PROSER2: variants seen among roughly 807,000 people sequenced by gnomAD.
The protein encoded by PROSER2 is proline and serine-rich protein 2.
A neutral mutation model predicts 14.6 loss-of-function variants in PROSER2; 18 were observed. That is an observed-to-expected ratio of 1.23 (90% CI 0.85 to 1.83). The LOEUF is 1.83. PROSER2 is among the 40% of genes most tolerant of loss of function. PROSER2 has a pLI of 0.00. For missense variants in PROSER2, 823 were observed against 629.8 expected, an observed-to-expected ratio of 1.31 and a Z score of -3.28; for synonymous variants, 367 against 286.4, an observed-to-expected ratio of 1.28 and a Z score of -2.84.
At chr10:11,833,162 T>C (rs781172408) in intron 1 of PROSER2, among the ~76,000 whole-genome samples, 15 of 151,348 alleles carry the variant, frequency 9.9e-5, no homozygotes, top group Non-Finnish European at 1.3e-4. Context: ...AGTTTTTAAA[T>C]ATGAATTTTG....
At chr10:11,860,447 C>G (rs1379924509) in intron 2 of PROSER2, among the ~76,000 whole-genome samples, 4 of 151,530 alleles carry the variant, frequency 2.6e-5, no homozygotes. Context: ...AAACCCCCGT[C>G]TCTGCTAAAA....
chr10:11,835,763 G>A (rs1354297715), intron 1 of PROSER2, among the ~76,000 whole-genome samples: 1 of 152,166 alleles, frequency 6.6e-6, no homozygotes, highest in Non-Finnish European at 1.5e-5. Context: ...TCACATAGAA[G>A]ACACTGATGC....
intron 1 of PROSER2, among the ~76,000 whole-genome samples, chr10:11,839,992 C>G (rs1356513683): frequency 6.6e-6 from 1 of 151,102 alleles, no homozygotes; most frequent in Non-Finnish European, 1.5e-5. Context: ...AGCTCTGTCA[C>G]CCAGGCTGGA....
At chr10:11,855,008 A>C (rs962594958) in intron 2 of PROSER2, among the ~76,000 whole-genome samples, 1 of 152,106 alleles carries the variant, frequency 6.6e-6, no homozygotes, top group Non-Finnish European at 1.5e-5. Flanking sequence ...AAGATTAGTC[A>C]GTCAACAGCG....
intron 2 of PROSER2, among the ~76,000 whole-genome samples, chr10:11,855,017 CGT>C (rs1834096470): frequency 6.6e-6 from 1 of 151,850 alleles, no homozygotes; most frequent in South Asian, 2.1e-4. Context: ...CAGTCAACAG[CGT>C]TTTTAGGCCT....
chr10:11,823,730 T>C lies in PROSER2; in HGVS notation c.-82+260T>C, dbSNP rs1833572728. ...AGTCGGGGCGCGGCGGGGAGCGCGC[T>C]GGGTTCCGAGTCTGGGGCTATCCTG... On this transcript the variant is annotated intron_variant, in intron 1 of 3. Transcript: ENST00000277570. This position sits in a 1 kb window ranked among gnomAD's most constrained non-coding sequence, Gnocchi z 6.2. 6.6e-6 allele frequency among the ~76,000 whole-genome samples: 1 copy of C among 151,934 alleles called. No individual in the cohort carries two copies. Among genetic ancestry groups the C allele is most frequent in the African/African-American group, 2.4e-5 (1 of 41,412 alleles).
intron 1 of PROSER2, among the ~76,000 whole-genome samples, chr10:11,827,278 C>T (rs1833628586): frequency 6.6e-6 from 1 of 151,928 alleles, no homozygotes; most frequent in Admixed American, 6.6e-5. Flanking sequence ...CGAACGACTT[C>T]GTTGCTGGAC....
chr10:11,869,287 A>AGACCTCT lies in PROSER2; in HGVS notation c.392-203_392-202insGACCTCT, dbSNP rs1834414950. On this transcript the variant is annotated intron_variant, in intron 3 of 3. Transcript: ENST00000277570. The surrounding 1 kb of genome is among the most constrained non-coding windows in gnomAD (Gnocchi z 4.4). ...TGCAGGGCTATCGTGATTGTCCCTT[A>AGACCTCT]TCAGCGTGAGGTCATGAGCATGACA... is the stretch of plus-strand genomic sequence containing the variant. 1 of 600,804 alleles carries AGACCTCT rather than the reference A, an allele frequency of 1.7e-6. No homozygotes were observed. Among genetic ancestry groups the AGACCTCT allele is most frequent in the Admixed American group, 3.0e-5 (1 of 33,884 alleles). 37.2% of individuals were successfully genotyped at this position (600,804 alleles called of 1,614,324 possible).
chr10:11,844,865 G>A lies in PROSER2; in HGVS notation c.-81-7132G>A, dbSNP rs1005717209. Among the ~76,000 whole-genome samples the A allele has an allele frequency of 9.2e-5, 14 of 152,168 alleles. No homozygotes were observed. The South Asian group carries it at 1.0e-3, about 11-fold the overall frequency. Reference sequence around the variant, plus strand: ...TCAAACTCCTGACCTCAAGTGATCCGCCCGCCTTGGCCTCCCAAAGTGCTG... The same window carrying A: ...TCAAACTCCTGACCTCAAGTGATCCACCCGCCTTGGCCTCCCAAAGTGCTG... On this transcript the variant is annotated intron_variant, in intron 1 of 3. Transcript: ENST00000277570.
chr10:11,854,914 T>TA (rs1380440165), intron 2 of PROSER2, among the ~76,000 whole-genome samples: 3 of 152,108 alleles, frequency 2.0e-5, no homozygotes, highest in Non-Finnish European at 2.9e-5. Context: ...TTTTTTTTTT[T>TA]AATGTGACTT....
Position 11,856,323 on chromosome 10 carries a change from C to T in PROSER2, c.138+4108C>T, listed in dbSNP as rs934150389. On this transcript the variant is annotated intron_variant, in intron 2 of 3. Transcript: ENST00000277570. The surrounding 1 kb of genome is among the most constrained non-coding windows in gnomAD (Gnocchi z 5.3). ...CGTCTCACAAAACCCCCTGGGTGCACGGCGAGGGCACGGTGCTGCCTCACA... is the reference window on the plus strand; with the variant it reads ...CGTCTCACAAAACCCCCTGGGTGCATGGCGAGGGCACGGTGCTGCCTCACA... Among the ~76,000 whole-genome samples the T allele has an allele frequency of 1.3e-5, 2 of 152,320 alleles. No individual in the cohort carries two copies. The highest frequency in any genetic ancestry group is 4.1e-4 in the South Asian group (2 of 4,824).
chr10:11,824,184 C>T (rs1430182967), intron 1 of PROSER2, among the ~76,000 whole-genome samples: 1 of 151,850 alleles, frequency 6.6e-6, no homozygotes, highest in Non-Finnish European at 1.5e-5. Flanking sequence ...ACTTTTAACT[C>T]TACCAGAACC....
chr10:11,843,024 TC>T (rs1240126807), intron 1 of PROSER2, among the ~76,000 whole-genome samples: 3 of 144,934 alleles, frequency 2.1e-5, no homozygotes, highest in African/African-American at 7.5e-5. Flanking sequence ...CACTGCAAGT[TC>T]CGCCTCCTGG....
Position 11,869,919 on chromosome 10 carries a change from C to A in PROSER2, c.821C>A (p.Ala274Glu). Residue 274 changes from alanine to glutamate, a missense_variant, in exon 4 of 4, where the codon GCG (alanine) becomes GAG (glutamate). By Grantham distance (107) the Ala-to-Glu change is moderately radical. Transcript: ENST00000277570. The surrounding 1 kb of genome is among the most constrained non-coding windows in gnomAD (Gnocchi z 4.4). ...GAGCCCCGCAGGACCCTGTCCAGGG[C>A]GGCCGTCAGCGTGCAGGAGCGCAGG... is the stretch of plus-strand genomic sequence containing the variant. The part of the protein sequence containing the change: ...AREPRRTLSR[A>E]AVSVQERRAQ... The A allele has an allele frequency of 1.3e-6, 2 of 1,565,916 alleles. No homozygotes were observed.
rs1834487850 is a variant in PROSER2 at position 11,871,443 on chromosome 10, A to G, written c.*1037A>G. 1 of 152,254 alleles carries G rather than the reference A, an allele frequency of 6.6e-6. No individual in the cohort carries two copies. Among genetic ancestry groups the G allele is most frequent in the Non-Finnish European group, 1.5e-5 (1 of 68,044 alleles). 9.4% of individuals were successfully genotyped at this position (152,254 alleles called of 1,614,324 possible). A position where few individuals can be genotyped will look rare whatever the true frequency, so the allele number is the denominator to read the frequency against. On this transcript the variant is annotated 3_prime_UTR_variant, in exon 4 of 4. Coordinates refer to ENST00000277570, the MANE Select transcript of PROSER2 (RefSeq NM_153256.4). ...AGCAAGACTGTTCACTAAAGAAGGA[A>G]CTTTTTAGAAAACTAATCTCCTTTA...
chr10:11,858,141 G>GA (rs1834159688), intron 2 of PROSER2, among the ~76,000 whole-genome samples: 1 of 152,020 alleles, frequency 6.6e-6, no homozygotes, highest in Non-Finnish European at 1.5e-5. Flanking sequence ...GTTTCACCAT[G>GA]TTGGCCAGGC....
chr10:11,835,580 A>G (rs1469736478), intron 1 of PROSER2, among the ~76,000 whole-genome samples: 1 of 152,250 alleles, frequency 6.6e-6, no homozygotes, highest in East Asian at 1.9e-4. Flanking sequence ...AAAAAACTCT[A>G]CAAGAGTCTT....
rs2131103670 is a variant in PROSER2 at position 11,871,631 on chromosome 10, A to C, written c.*1225A>C. 6.6e-6 allele frequency: 1 copy of C among 152,356 alleles called. No homozygotes were observed. The highest frequency in any genetic ancestry group is 2.4e-5 in the African/African-American group (1 of 41,586). 9.4% of individuals were successfully genotyped at this position (152,356 alleles called of 1,614,324 possible). On this transcript the variant is annotated 3_prime_UTR_variant, in exon 4 of 4. Transcript: ENST00000277570. ...GCAGGAAAAGAACCGGTTTCCTCCCAGACTATGTCTTACACGCTGAGTTAT... is the reference window on the plus strand; with the variant it reads ...GCAGGAAAAGAACCGGTTTCCTCCCCGACTATGTCTTACACGCTGAGTTAT...
In PROSER2 at chr10:11,869,445, T is replaced by C; in HGVS notation, c.392-45T>C. 1.4e-6 allele frequency: 2 copies of C among 1,460,044 alleles called. No homozygotes were observed. Among genetic ancestry groups the C allele is most frequent in the Non-Finnish European group, 1.9e-6 (2 of 1,041,734 alleles). 90.4% of individuals were successfully genotyped at this position (1,460,044 alleles called of 1,614,324 possible). ...GCGAGAGGGAACTTCATGCATTTAC[T>C]TTCACGTGGGCCGGTGGCTCACAGG... On this transcript the variant is annotated intron_variant, in intron 3 of 3. Transcript: ENST00000277570. The surrounding 1 kb of genome is among the most constrained non-coding windows in gnomAD (Gnocchi z 4.4).
Sources: allele counts gnomAD v4.1 joint callset (sites outside exome capture counted in the v4.1 genomes callset), GRCh38; gene constraint gnomAD v4.1.1; non-coding constraint Gnocchi (gnomAD v3.1); transcripts MANE v1.5; gene names NCBI Gene and HGNC (gene_info 2026-07-23, HGNC 2026-07-21).